The following TMEM132B variants were observed in gnomAD, a reference collection of about 807,000 sequenced individuals.
TMEM132B encodes transmembrane protein 132B.
TMEM132B carries 18 observed loss-of-function variants against 90.8 expected under a neutral mutation model. That is an observed-to-expected ratio of 0.20 (90% CI 0.14 to 0.29). The LOEUF is 0.29. Ranked by LOEUF, TMEM132B falls within the 10% of genes least tolerant of loss-of-function variation. TMEM132B has a pLI of 1.00. For missense variants in TMEM132B, 1,096 were observed against 1,326.8 expected (o/e 0.83, Z 2.70); for synonymous variants, 504 against 523.3 (o/e 0.96, Z 0.50).
chr12:125,400,035 G>T (rs1426592559), intron 2 of TMEM132B, among the ~76,000 whole-genome samples: 1 of 152,166 alleles, frequency 6.6e-6, no homozygotes, highest in Non-Finnish European at 1.5e-5. Flanking sequence ...TGCGATGATT[G>T]TTCTTATCTG....
intron 1 of TMEM132B, among the ~76,000 whole-genome samples, chr12:125,315,744 G>A (rs1280726735): frequency 6.6e-6 from 1 of 152,156 alleles, no homozygotes. Flanking sequence ...TGGTTAAGGG[G>A]TGATGGGACT....
intron 4 of TMEM132B, among the ~76,000 whole-genome samples, chr12:125,556,465 T>G (rs568317595): frequency 2.0e-5 from 3 of 152,152 alleles, no homozygotes; most frequent in African/African-American, 7.2e-5. Context: ...GGTATATGAT[T>G]AGAAGAAAAA....
At position 125,213,438 on chromosome 12, in the gene TMEM132B, G is replaced by A. The variant is rs1873366410; in HGVS notation, c.67+26572G>A. On this transcript the variant is annotated intron_variant, in intron 1 of 8. Transcript: ENST00000682704. This position sits in a 1 kb window ranked among gnomAD's most constrained non-coding sequence, Gnocchi z 4.2. ...TGTTTTCATTCTTTCTGGTATACCT[G>A]GGTAATTTTTAAAAGCTCCATATAT... Among the ~76,000 whole-genome samples the A allele has an allele frequency of 6.6e-6, 1 of 152,194 alleles. No homozygotes were observed. Among genetic ancestry groups the A allele is most frequent in the Non-Finnish European group, 1.5e-5 (1 of 68,040 alleles).
At chr12:125,556,903 C>T (rs1035478991) in intron 4 of TMEM132B, among the ~76,000 whole-genome samples, 17 of 152,190 alleles carry the variant, frequency 1.1e-4, no homozygotes, top group Middle Eastern at 3.4e-3. Flanking sequence ...TACAGGCGCC[C>T]GCCACCATGC....
intron 1 of TMEM132B, among the ~76,000 whole-genome samples, chr12:125,248,535 C>G (rs1003534500): frequency 6.6e-6 from 1 of 152,118 alleles, no homozygotes; most frequent in Non-Finnish European, 1.5e-5. Context: ...GAGTTTATAT[C>G]GCTAGATGTG....
At chr12:125,603,699 C>T (rs997610618) in intron 5 of TMEM132B, among the ~76,000 whole-genome samples, 2 of 152,094 alleles carry the variant, frequency 1.3e-5, no homozygotes, top group South Asian at 2.1e-4. Context: ...TGCAATCTAC[C>T]CATCTGACAA....
chr12:125,533,455 A>G (rs934957789), intron 4 of TMEM132B, among the ~76,000 whole-genome samples: 16 of 152,222 alleles, frequency 1.1e-4, no homozygotes, highest in Admixed American at 1.0e-3. Flanking sequence ...GCCTGAGACA[A>G]ACAGCGAGGG....
At position 125,658,074 on chromosome 12, in the gene TMEM132B, A is replaced by G. The variant is rs1418178625; in HGVS notation, c.*3364A>G. 3 of 152,228 alleles carry G rather than the reference A, an allele frequency of 2.0e-5. No homozygotes were observed. The highest frequency in any genetic ancestry group is 4.4e-5 in the Non-Finnish European group (3 of 68,050). The allele number at this position is 152,228 out of a possible 1,614,324, so 9.4% of individuals were successfully genotyped here. A position where few individuals can be genotyped will look rare whatever the true frequency, so the allele number is the denominator to read the frequency against. ...CACCTAGCAAACCTCAGAATACTCC[A>G]TGTGTCCCAAGAGAAGGAATAATTG... On this transcript the variant is annotated 3_prime_UTR_variant, in exon 9 of 9. Coordinates refer to ENST00000682704, the MANE Select transcript of TMEM132B (RefSeq NM_001366854.1).
chr12:125,272,342 C>T (rs762339781), intron 1 of TMEM132B, among the ~76,000 whole-genome samples: 7 of 152,152 alleles, frequency 4.6e-5, no homozygotes, highest in African/African-American at 7.2e-5. Flanking sequence ...TTTAGGGGTA[C>T]AGGAGTAGTT....
At chr12:125,427,584 G>A (rs56791427) in intron 3 of TMEM132B, among the ~76,000 whole-genome samples, 3,585 of 152,256 alleles carry the variant, frequency 0.024, 131 homozygotes, top group African/African-American at 0.081. Flanking sequence ...GAGAAACTTT[G>A]CCAAAGGTCA....
At chr12:125,400,825 G>A (rs1423125808) in intron 2 of TMEM132B, among the ~76,000 whole-genome samples, 6 of 152,182 alleles carry the variant, frequency 3.9e-5, no homozygotes, top group Non-Finnish European at 8.8e-5. Context: ...TCTCAGAAAG[G>A]GTGTTGAACC....
At chr12:125,596,337 T>C (rs1318186642) in intron 5 of TMEM132B, among the ~76,000 whole-genome samples, 4 of 152,168 alleles carry the variant, frequency 2.6e-5, no homozygotes. Flanking sequence ...ATTAAACAAA[T>C]GTGTGCTTCT....
At chr12:125,505,067 C>T (rs1882800897) in intron 3 of TMEM132B, among the ~76,000 whole-genome samples, 1 of 148,170 alleles carries the variant, frequency 6.7e-6, no homozygotes, top group Non-Finnish European at 1.5e-5. Context: ...TAATAGAATC[C>T]AGAGTCTCTA....
intron 4 of TMEM132B, among the ~76,000 whole-genome samples, chr12:125,535,392 G>A (rs1464886237): frequency 6.6e-6 from 1 of 152,202 alleles, no homozygotes; most frequent in Non-Finnish European, 1.5e-5. Context: ...GGTAACCTGT[G>A]AAATGCTGCT....
chr12:125,333,240 T>C (rs1240448891), intron 1 of TMEM132B, among the ~76,000 whole-genome samples: 1 of 152,222 alleles, frequency 6.6e-6, no homozygotes, highest in Non-Finnish European at 1.5e-5. Flanking sequence ...TCCTTTCTCT[T>C]ATAAGGACGT....
intron 3 of TMEM132B, among the ~76,000 whole-genome samples, chr12:125,495,022 GA>G (rs1882511467): frequency 1.6e-5 from 1 of 60,684 alleles, no homozygotes. Context: ...CTCCCTGGAA[GA>G]AATGGATGCG....
chr12:125,624,853 C>T (rs1886192687), intron 5 of TMEM132B, among the ~76,000 whole-genome samples: 3 of 152,016 alleles, frequency 2.0e-5, no homozygotes, highest in Admixed American at 1.3e-4. Flanking sequence ...ACATCGTGGT[C>T]GATGTTTTGA....
chr12:125,422,158 G>A (rs556599628), intron 3 of TMEM132B, among the ~76,000 whole-genome samples: 21 of 152,252 alleles, frequency 1.4e-4, no homozygotes, highest in African/African-American at 4.8e-4. Flanking sequence ...ATGTCTTCTA[G>A]GTGAATACAA....
chr12:125,241,029 G>A (rs184978678), intron 1 of TMEM132B, among the ~76,000 whole-genome samples: 8 of 152,190 alleles, frequency 5.3e-5, no homozygotes, highest in African/African-American at 4.8e-5. Context: ...TTAAAACAAC[G>A]ATTCTTAACC....
Sources: gnomAD v4.1 joint callset for allele counts (sites outside exome capture counted in the v4.1 genomes callset) on GRCh38, gnomAD v4.1.1 for gene constraint, Gnocchi (gnomAD v3.1) non-coding constraint, MANE v1.5 for transcripts, NCBI Gene and HGNC (gene_info 2026-07-23, HGNC 2026-07-21) for gene names.